The following ACSS3 variants were observed in gnomAD, a reference collection of about 807,000 sequenced individuals.
ACSS3 encodes acyl-CoA synthetase short-chain family member 3, mitochondrial.
Under a neutral mutation model 84.2 loss-of-function variants are expected in ACSS3, and 64 were observed. That is an observed-to-expected ratio of 0.76 (90% CI 0.62 to 0.94). The LOEUF (loss-of-function observed/expected upper bound fraction) is 0.94. Among genes scored for constraint, ACSS3 ranks in the 40% least tolerant of loss-of-function variants. ACSS3 has a pLI of 0.00. For synonymous variants in ACSS3, 317 were observed against 310.1 expected (o/e 1.02, Z -0.23); for missense variants, 815 against 867.6 (o/e 0.94, Z 0.76).
chr12:81,163,519 C>T (rs147669037), intron 7 of ACSS3, among the ~76,000 whole-genome samples: 1,527 of 152,300 alleles, frequency 0.01, 15 homozygotes, highest in Non-Finnish European at 0.016. Flanking sequence ...TACCTTTTAT[C>T]TTTATTTTAG....
intron 8 of ACSS3, among the ~76,000 whole-genome samples, chr12:81,192,760 T>A (rs2031637077): frequency 6.6e-6 from 1 of 152,204 alleles, no homozygotes; most frequent in African/African-American, 2.4e-5. Flanking sequence ...TTTTGTTCAG[T>A]TTCTCAGCTC....
At chr12:81,131,347 C>T (rs1233019353) in intron 2 of ACSS3, among the ~76,000 whole-genome samples, 1 of 152,086 alleles carries the variant, frequency 6.6e-6, no homozygotes, top group Non-Finnish European at 1.5e-5. Context: ...CTTCACATCC[C>T]TTGTAAGTTG....
chr12:81,165,200 G>C (rs1432971933), intron 7 of ACSS3, among the ~76,000 whole-genome samples: 1 of 152,186 alleles, frequency 6.6e-6, no homozygotes, highest in East Asian at 1.9e-4. Flanking sequence ...GAGCTAGCAA[G>C]CTCAGTTATT....
intron 1 of ACSS3, among the ~76,000 whole-genome samples, chr12:81,105,309 C>T (rs1034574110): frequency 1.3e-5 from 2 of 151,992 alleles, no homozygotes; most frequent in African/African-American, 2.4e-5. Flanking sequence ...TAAAAAATAA[C>T]CAAATGGAAA....
chr12:81,239,944 G>A (rs2033742137), intron 13 of ACSS3, among the ~76,000 whole-genome samples: 1 of 151,920 alleles, frequency 6.6e-6, no homozygotes, highest in Non-Finnish European at 1.5e-5. Context: ...TGATACAAGG[G>A]CTAGAAGGGA....
chr12:81,102,985 TG>T (rs1882652122), intron 1 of ACSS3, among the ~76,000 whole-genome samples: 1 of 152,214 alleles, frequency 6.6e-6, no homozygotes, highest in South Asian at 2.1e-4. Context: ...TGTTAGATTG[TG>T]GGAACGTAGC....
intron 9 of ACSS3, among the ~76,000 whole-genome samples, chr12:81,212,936 A>G (rs1409048305): frequency 6.6e-6 from 1 of 152,246 alleles, no homozygotes; most frequent in Middle Eastern, 3.4e-3. Flanking sequence ...TTCCCTGTTC[A>G]TCTTCTTCCT....
intron 1 of ACSS3, among the ~76,000 whole-genome samples, chr12:81,095,574 A>T (rs1881985217): frequency 6.6e-6 from 1 of 152,200 alleles, no homozygotes; most frequent in Admixed American, 6.5e-5. Flanking sequence ...GGCATGACTC[A>T]CAACCGGAGA....
chr12:81,127,828 C>G (rs183137824), intron 2 of ACSS3, among the ~76,000 whole-genome samples: 1 of 152,092 alleles, frequency 6.6e-6, no homozygotes, highest in African/African-American at 2.4e-5. Context: ...GGTGAGCACA[C>G]TTGCTATTTG....
intron 1 of ACSS3, chr12:81,104,918 T>C (rs1219838213): frequency 6.6e-6 from 1 of 152,212 alleles, no homozygotes; most frequent in South Asian, 2.1e-4. Flanking sequence ...TACAGCTTTG[T>C]GACATGTATA....
At chr12:81,162,051 A>G (rs1199928295) in intron 7 of ACSS3, among the ~76,000 whole-genome samples, 1 of 152,118 alleles carries the variant, frequency 6.6e-6, no homozygotes, top group African/African-American at 2.4e-5. Context: ...GTCACCCATA[A>G]CATGACAAGC....
chr12:81,243,431 T>A (rs1281415204), intron 13 of ACSS3, among the ~76,000 whole-genome samples: 1 of 152,204 alleles, frequency 6.6e-6, no homozygotes, highest in East Asian at 1.9e-4. Flanking sequence ...ATGGCCATAC[T>A]GCCCAAGGTA....
chr12:81,217,029 A>T, intron 10 of ACSS3, 33 bp downstream of exon 10: 1 of 1,568,932 alleles, frequency 6.4e-7, no homozygotes, highest in Non-Finnish European at 8.8e-7. Flanking sequence ...CGTAAAGTTA[A>T]TAAATTTGGC....
At chr12:81,212,571 T>G (rs2032636566) in intron 9 of ACSS3, among the ~76,000 whole-genome samples, 1 of 152,178 alleles carries the variant, frequency 6.6e-6, no homozygotes, top group African/African-American at 2.4e-5. Flanking sequence ...TGGCTAATCC[T>G]CAGAATTTTT....
intron 7 of ACSS3, among the ~76,000 whole-genome samples, chr12:81,173,086 G>A (rs1176209934): frequency 1.3e-5 from 2 of 152,184 alleles, no homozygotes; most frequent in African/African-American, 4.8e-5. Flanking sequence ...GTGAGATCAC[G>A]TTTTCTAAGG....
intron 13 of ACSS3, among the ~76,000 whole-genome samples, chr12:81,247,813 C>T (rs2034031639): frequency 6.6e-6 from 1 of 151,954 alleles, no homozygotes; most frequent in Non-Finnish European, 1.5e-5. Flanking sequence ...TTAAAGTGCC[C>T]AAACCTTACT....
At chr12:81,198,666 A>G (rs1019479809) in intron 8 of ACSS3, among the ~76,000 whole-genome samples, 5 of 150,642 alleles carry the variant, frequency 3.3e-5, no homozygotes, top group African/African-American at 1.2e-4. Context: ...GTATTTTCCT[A>G]TTTCGTTTTT....
intron 12 of ACSS3, 86 bp from the exon 13 acceptor site, chr12:81,233,263 A>G (rs940814598): frequency 7.2e-5 from 104 of 1,451,508 alleles, no homozygotes; most frequent in Non-Finnish European, 9.3e-5. Flanking sequence ...ATCCATTTCT[A>G]TTACATTGTG....
At chr12:81,158,785 T>A (rs118081894) in intron 7 of ACSS3, among the ~76,000 whole-genome samples, 3 of 152,088 alleles carry the variant, frequency 2.0e-5, no homozygotes, top group African/African-American at 7.2e-5. Flanking sequence ...CCTGATTAGG[T>A]CAAATCCCTT....
Sources: allele counts gnomAD v4.1 joint callset (sites outside exome capture counted in the v4.1 genomes callset), GRCh38; gene constraint gnomAD v4.1.1; transcripts MANE v1.5; gene names NCBI Gene and HGNC (gene_info 2026-07-23, HGNC 2026-07-21).